IGSF5: variants seen among roughly 807,000 people sequenced by gnomAD.
IGSF5 encodes the protein immunoglobulin superfamily 5 like.
IGSF5 carries 41 observed loss-of-function variants against 39.4 expected under a neutral mutation model. That is an observed-to-expected ratio of 1.04 (90% confidence interval 0.81 to 1.35). The LOEUF (loss-of-function observed/expected upper bound fraction) is 1.35. IGSF5 is among the 40% of genes most tolerant of loss of function. IGSF5 has a pLI of 0.00. For synonymous variants in IGSF5, 183 were observed against 175.3 expected (o/e 1.04, Z -0.34); for missense variants, 487 against 494.6 (o/e 0.98, Z 0.15).
At chr21:39,779,626 C>A (rs1325951879) in intron 5 of IGSF5, among the ~76,000 whole-genome samples, 2 of 152,152 alleles carry the variant, frequency 1.3e-5, no homozygotes, top group Admixed American at 1.3e-4. Flanking sequence ...TCACTCTTCA[C>A]AATAGCAAAG....
chr21:39,723,037 T>C, the IGSF5 span, among the ~76,000 whole-genome samples: 1 of 152,254 alleles, frequency 6.6e-6, no homozygotes, highest in Non-Finnish European at 1.5e-5. Context: ...TCTATTGCTA[T>C]GTAACAAATT....
At chr21:39,787,552 G>GTTTTTTTTTT (rs33925299) in intron 5 of IGSF5, among the ~76,000 whole-genome samples, 14 of 119,898 alleles carry the variant, frequency 1.2e-4, no homozygotes, top group Admixed American at 1.9e-4. Context: ...TAATGACAGT[G>GTTTTTTTTTT]TTTTTTTTTT....
intron 2 of IGSF5, among the ~76,000 whole-genome samples, chr21:39,752,551 G>C (rs1361395341): frequency 6.6e-6 from 1 of 152,190 alleles, no homozygotes; most frequent in Non-Finnish European, 1.5e-5. Flanking sequence ...TGCTGGATCA[G>C]ATGGTAGTTT....
At chr21:39,779,439 G>T in intron 5 of IGSF5, 134 bp downstream of exon 5, 1 of 1,131,224 alleles carries the variant, frequency 8.8e-7, no homozygotes, top group African/African-American at 1.6e-5. Context: ...AGAAACTGTG[G>T]TTGCACACTG....
upstream of IGSF5, among the ~76,000 whole-genome samples, chr21:39,743,950 A>AT: frequency 6.6e-6 from 1 of 151,664 alleles, no homozygotes; most frequent in Admixed American, 6.6e-5. Flanking sequence ...CTTAGGGGCA[A>AT]TTTTGCCTTG....
At chr21:39,791,936 A>G in intron 6 of IGSF5, 72 bp from the exon 7 acceptor site, 1 of 923,434 alleles carries the variant, frequency 1.1e-6, no homozygotes, top group East Asian at 2.6e-5. Context: ...CTACGTAGGT[A>G]TCCATTGCCA....
chr21:39,766,224 C>T (rs1301581841), intron 3 of IGSF5, among the ~76,000 whole-genome samples: 1 of 152,158 alleles, frequency 6.6e-6, no homozygotes, highest in Admixed American at 6.5e-5. Context: ...TTTCTCCTTC[C>T]ATCTTTGCTT....
chr21:39,726,713 T>C, the IGSF5 span, among the ~76,000 whole-genome samples: 1 of 152,184 alleles, frequency 6.6e-6, no homozygotes, highest in East Asian at 1.9e-4. Context: ...CTTACTGGAA[T>C]TGACACCTGC....
chr21:39,772,350 A>C (rs961855924), intron 4 of IGSF5, among the ~76,000 whole-genome samples: 1 of 152,162 alleles, frequency 6.6e-6, no homozygotes, highest in African/African-American at 2.4e-5. Flanking sequence ...CTCACCTGGC[A>C]ACTCTGCCCA....
chr21:39,778,733 AG>A (rs1445804604), intron 4 of IGSF5, among the ~76,000 whole-genome samples: 1 of 152,222 alleles, frequency 6.6e-6, no homozygotes, highest in East Asian at 1.9e-4. Context: ...GTGCTCAAAA[AG>A]TATTTCTTGA....
At chr21:39,799,306 G>A (rs574668378) in intron 8 of IGSF5, among the ~76,000 whole-genome samples, 1 of 152,248 alleles carries the variant, frequency 6.6e-6, no homozygotes, top group East Asian at 1.9e-4. Context: ...TGCACCCAGC[G>A]CCTATAAATA....
At chr21:39,739,964 C>T in the IGSF5 span, among the ~76,000 whole-genome samples, 2 of 152,154 alleles carry the variant, frequency 1.3e-5, no homozygotes, top group African/African-American at 4.8e-5. Flanking sequence ...TTTGAAAAGT[C>T]CTGGTCCAGT....
chr21:39,726,783 T>C, the IGSF5 span, among the ~76,000 whole-genome samples: 3 of 152,158 alleles, frequency 2.0e-5, no homozygotes, highest in Non-Finnish European at 2.9e-5. Context: ...CCTGAGGGCC[T>C]CCAGGAGGAA....
At chr21:39,718,429 T>C in the IGSF5 span, among the ~76,000 whole-genome samples, 16,278 of 152,198 alleles carry the variant, frequency 0.11, 1,178 homozygotes, top group East Asian at 0.22. Context: ...CTTGTGCTGA[T>C]TTTCAAGGGG....
chr21:39,735,983 A>C, the IGSF5 span, among the ~76,000 whole-genome samples: 1 of 152,210 alleles, frequency 6.6e-6, no homozygotes, highest in Non-Finnish European at 1.5e-5. Flanking sequence ...TGAAGATAAA[A>C]GGCAAACTCT....
chr21:39,790,406 T>A (rs747190701), intron 6 of IGSF5, among the ~76,000 whole-genome samples: 2 of 152,294 alleles, frequency 1.3e-5, no homozygotes, highest in Non-Finnish European at 2.9e-5. Flanking sequence ...ACTCCTGTAG[T>A]CCCAGCGCTT....
chr21:39,793,761 T>C (rs2086979459), intron 8 of IGSF5, 148 bp downstream of exon 8: 1 of 659,464 alleles, frequency 1.5e-6, no homozygotes, highest in Non-Finnish European at 2.7e-6. Context: ...CTGGTCAGCA[T>C]GGAGAGATGG....
At chr21:39,788,133 G>A (rs747779504) in intron 5 of IGSF5, 34 bp from the exon 6 acceptor site, 56 of 1,550,964 alleles carry the variant, frequency 3.6e-5, no homozygotes, top group Non-Finnish European at 4.2e-5. Flanking sequence ...TAAGTATCCC[G>A]ATTTTTCCAA....
At chr21:39,733,180 T>G in the IGSF5 span, among the ~76,000 whole-genome samples, 1 of 152,126 alleles carries the variant, frequency 6.6e-6, no homozygotes, top group Non-Finnish European at 1.5e-5. Flanking sequence ...TATTGAAAAA[T>G]GGCAAACGAC....
Sources: gnomAD v4.1 joint callset for allele counts (sites outside exome capture counted in the v4.1 genomes callset) on GRCh38, gnomAD v4.1.1 for gene constraint, MANE v1.5 for transcripts, NCBI Gene and HGNC (gene_info 2026-07-23, HGNC 2026-07-21) for gene names.